Variants in CCPG1 observed in about 807,000 individuals in gnomAD.
CCPG1 encodes the protein cell cycle progression 1, also known as cell cycle progression protein 1.
CCPG1 carries 46 observed loss-of-function variants against 81.3 expected under a neutral mutation model. The ratio of observed to expected loss-of-function variants is 0.57; its 90% CI spans 0.45 to 0.72. CCPG1 has a LOEUF of 0.72. CCPG1 is among the 30% of genes least tolerant of loss of function. CCPG1 has a pLI of 0.00. For synonymous variants in CCPG1, 330 were observed against 305.2 expected (o/e 1.08, Z -0.85); for missense variants, 902 against 937.6 (o/e 0.96, Z 0.50).
chr15:55,395,626 T>C (rs2057001939), intron 1 of CCPG1, among the ~76,000 whole-genome samples: 1 of 152,072 alleles, frequency 6.6e-6, no homozygotes, highest in Non-Finnish European at 1.5e-5. Flanking sequence ...ACTCCTCTGC[T>C]TGTCTCAGCT....
At chr15:55,400,457 G>A (rs912360073) in intron 1 of CCPG1, among the ~76,000 whole-genome samples, 5 of 151,606 alleles carry the variant, frequency 3.3e-5, no homozygotes, top group South Asian at 2.1e-4. Context: ...GCAGTGAGCC[G>A]AGATCACACC....
intron 4 of CCPG1, among the ~76,000 whole-genome samples, chr15:55,377,707 G>A (rs892951980): frequency 6.6e-6 from 1 of 152,198 alleles, no homozygotes; most frequent in South Asian, 2.1e-4. Context: ...TATAAAACAG[G>A]CTTCATGCAG....
At chr15:55,385,547 A>G (rs548022009) in intron 3 of CCPG1, 53 bp downstream of exon 3, 2 of 872,450 alleles carry the variant, frequency 2.3e-6, no homozygotes, top group African/African-American at 1.7e-5. Context: ...AAGACTCATA[A>G]TATCACTCAT....
At chr15:55,396,756 A>G (rs2057024711) in intron 1 of CCPG1, among the ~76,000 whole-genome samples, 1 of 152,232 alleles carries the variant, frequency 6.6e-6, no homozygotes, top group Non-Finnish European at 1.5e-5. Context: ...ATATGTGAGC[A>G]AAGATTTGAA....
chr15:55,401,243 C>T (rs1045263560), intron 1 of CCPG1, among the ~76,000 whole-genome samples: 3 of 152,096 alleles, frequency 2.0e-5, no homozygotes, highest in African/African-American at 7.2e-5. Context: ...TTTATTAATC[C>T]ATTTCTGTGT....
chr15:55,396,323 A>G (rs1010022662), intron 1 of CCPG1, among the ~76,000 whole-genome samples: 6 of 152,182 alleles, frequency 3.9e-5, no homozygotes, highest in African/African-American at 1.2e-4. Context: ...CTAAGAAATC[A>G]TACGGTTATA....
intron 1 of CCPG1, among the ~76,000 whole-genome samples, chr15:55,403,394 G>C (rs1449266869): frequency 1.4e-5 from 2 of 147,402 alleles, no homozygotes; most frequent in Admixed American, 6.7e-5. Context: ...ATAGTGATTT[G>C]GATAAGTACT....
intron 1 of CCPG1, among the ~76,000 whole-genome samples, chr15:55,393,157 G>A (rs1056242674): frequency 6.6e-6 from 1 of 152,116 alleles, no homozygotes; most frequent in East Asian, 1.9e-4. Flanking sequence ...AGATGGCAGG[G>A]CCAAGAGTGG....
At position 55,359,822 on chromosome 15, in the gene CCPG1, T is replaced by C. The variant is rs185375735; in HGVS notation, c.1951A>G (p.Ile651Val). 2.3e-5 allele frequency: 37 copies of C among 1,613,338 alleles called. No homozygotes were observed. Among genetic ancestry groups the C allele is most frequent in the Middle Eastern group, 1.6e-4 (1 of 6,080 alleles). The part of the protein sequence containing the change: ...MSLFNTVVNP[I>V]RMDEFRQIIQ... ...ATCTGTCTAAATTCATCCATCCTTA[T>C]AGGATTCACCACTGTGTTAAAAAGG... The change falls in exon 8 of 9, where the codon ATA becomes GTA. Residue 651 changes from isoleucine (I) to valine (V), a missense_variant. Physicochemically the swap from Ile to Val is conservative, Grantham distance 29. This residue lies in a region of CCPG1 where 746 missense variants were observed against 728.6 expected (regional missense o/e 1.02). Transcript: ENST00000442196.
rs141683945 is a variant in CCPG1 at position 55,384,918 on chromosome 15, A to G, written c.175+682T>C. On this transcript the variant is annotated intron_variant, in intron 3 of 8. Coordinates refer to ENST00000442196, the MANE Select transcript of CCPG1 (RefSeq NM_001204450.2). ...ACAGGTTAGTAAATCTCTTGTGATC[A>G]ATGAATAATTTTTTTCTTAACTTTA... is the stretch of plus-strand genomic sequence containing the variant. 2.6e-5 allele frequency among the ~76,000 whole-genome samples: 4 copies of G among 152,366 alleles called. No homozygotes were observed. The East Asian group carries it at 7.7e-4, about 29-fold the overall frequency.
chr15:55,368,188 C>A (rs1018627194), intron 6 of CCPG1, among the ~76,000 whole-genome samples: 5 of 152,134 alleles, frequency 3.3e-5, no homozygotes, highest in Non-Finnish European at 5.9e-5. Flanking sequence ...CATCCTGGAA[C>A]CCATCCCTCA....
intron 7 of CCPG1, 66 bp downstream of exon 7, chr15:55,365,122 A>G (rs2056295372): frequency 1.1e-6 from 1 of 940,584 alleles, no homozygotes; most frequent in Admixed American, 2.5e-5. Flanking sequence ...AATAAGCACA[A>G]TAAGCTCTAA....
At position 55,360,800 on chromosome 15, in the gene CCPG1, G is replaced by A. The variant is rs747643803; in HGVS notation, c.973C>T (p.Gln325Ter). ...EKEEKALSSL[Q>*]EELNKLREQI... The stretch of plus-strand genomic sequence containing the variant: ...TCTCTTAGTTTGTTTAACTCTTCCT[G>A]TAATGAGGATAAGGCTTTTTCTTCC... The change falls in exon 8 of 9, where the codon CAG (glutamine) becomes TAG (stop). Residue 325 changes from glutamine (Q) to a stop codon, truncating the protein, a stop_gained. Coordinates refer to ENST00000442196, the MANE Select transcript of CCPG1 (RefSeq NM_001204450.2). LOFTEE classifies it high-confidence loss of function. 10 of 1,612,494 alleles carry A rather than the reference G, an allele frequency of 6.2e-6. No individual in the cohort carries two copies. Among genetic ancestry groups the A allele is most frequent in the South Asian group, 1.1e-5 (1 of 90,758 alleles).
rs370607605 is a variant in CCPG1 at position 55,378,725 on chromosome 15, T to A, written c.176-349A>T. On this transcript the variant is annotated intron_variant, in intron 3 of 8. Transcript: ENST00000442196. ...TTCAAGTGATTCTCCTGCCTCAGCC[T>A]CCTAAGCAACTGGGATTACAGACAT... Among the ~76,000 whole-genome samples, 16 of 152,096 alleles carry A rather than the reference T, an allele frequency of 1.1e-4. 1 individual carries two copies. The highest frequency in any genetic ancestry group is 7.2e-4 in the Admixed American group (11 of 15,276).
At chr15:55,389,469 A>T in intron 1 of CCPG1, 36 bp from the exon 2 acceptor site, 1 of 1,414,330 alleles carries the variant, frequency 7.1e-7, no homozygotes. Flanking sequence ...CATGAGACAC[A>T]TTTTTTTTAA....
chr15:55,391,316 A>G (rs60412539), intron 1 of CCPG1, among the ~76,000 whole-genome samples: 10 of 152,272 alleles, frequency 6.6e-5, no homozygotes, highest in Non-Finnish European at 1.3e-4. Context: ...ACGTTTGGCC[A>G]TGTTGGCCAG....
intron 5 of CCPG1, among the ~76,000 whole-genome samples, chr15:55,373,942 T>G (rs554890944): frequency 1.3e-5 from 2 of 152,368 alleles, no homozygotes; most frequent in African/African-American, 4.8e-5. Flanking sequence ...AATATTTTGA[T>G]TTTTAACTTC....
intron 6 of CCPG1, among the ~76,000 whole-genome samples, chr15:55,366,650 T>C (rs1207895994): frequency 6.6e-6 from 1 of 152,108 alleles, no homozygotes; most frequent in Non-Finnish European, 1.5e-5. Context: ...CATGTGCCTG[T>C]AATCCCAGCT....
chr15:55,365,419 GT>G (rs111247245), intron 6 of CCPG1, 110 bp from the exon 7 acceptor site: 7,662 of 468,758 alleles, frequency 0.016, 1 homozygote, highest in East Asian at 0.03. Context: ...TCTTTTTTTT[GT>G]TTTTTTTTTT....
Sources: gnomAD v4.1 joint callset for allele counts (sites outside exome capture counted in the v4.1 genomes callset) on GRCh38, gnomAD v4.1.1 for gene constraint, gnomAD v4.1.1 regional missense constraint, MANE v1.5 for transcripts, NCBI Gene and HGNC (gene_info 2026-07-23, HGNC 2026-07-21) for gene names.